Variants in UQCC1 observed in about 807,000 individuals in gnomAD.
UQCC1 encodes bFGF-repressed Zic-binding protein.
UQCC1 carries 38 observed loss-of-function variants against 48.0 expected under a neutral mutation model. That is an observed-to-expected ratio of 0.79 (90% CI 0.61 to 1.04). UQCC1 has a LOEUF of 1.04. Among genes scored for constraint, UQCC1 ranks in the 50% least tolerant of loss-of-function variants. UQCC1 has a pLI of 0.00. For synonymous variants in UQCC1, 111 were observed against 129.2 expected (o/e 0.86, Z 0.95); for missense variants, 368 against 381.8 (o/e 0.96, Z 0.30).
At chr20:35,350,827 G>A (rs1359393046) in intron 6 of UQCC1, among the ~76,000 whole-genome samples, 1 of 152,082 alleles carries the variant, frequency 6.6e-6, no homozygotes, top group African/African-American at 2.4e-5. Flanking sequence ...GATCACCTGA[G>A]GTCAGGAGTT....
intron 5 of UQCC1, among the ~76,000 whole-genome samples, chr20:35,369,271 G>A (rs77078319): frequency 8.5e-5 from 13 of 152,338 alleles, no homozygotes; most frequent in Non-Finnish European, 1.6e-4. Flanking sequence ...ACACACTGGT[G>A]TCAGAACAGA....
At chr20:35,393,503 AACAC>A (rs3055772) in intron 2 of UQCC1, among the ~76,000 whole-genome samples, 62,132 of 146,698 alleles carry the variant, frequency 0.42, 13,862 homozygotes, top group East Asian at 0.69. Flanking sequence ...AACACACACA[AACAC>A]ACACACACAC....
chr20:35,332,159 G>A lies in UQCC1; in HGVS notation c.573+15005C>T, dbSNP rs564343158. Among the ~76,000 whole-genome samples the A allele has an allele frequency of 4.6e-5, 7 of 152,328 alleles. No homozygotes were observed. In the South Asian group the frequency reaches 1.0e-3, roughly 23 times the overall value. ...GCACTGAATGCCACACTTTAGAGGCGAACAGCAGAACACACAGGGGCCCTC... is the reference window on the plus strand; with the variant it reads ...GCACTGAATGCCACACTTTAGAGGCAAACAGCAGAACACACAGGGGCCCTC... On this transcript the variant is annotated intron_variant, in intron 7 of 9. Transcript: ENST00000374385.
At chr20:35,362,719 C>CGT (rs898651770) in intron 6 of UQCC1, among the ~76,000 whole-genome samples, 13 of 151,598 alleles carry the variant, frequency 8.6e-5, no homozygotes, top group Non-Finnish European at 1.3e-4. Flanking sequence ...CATGTGTGTG[C>CGT]GTGTGTGTGT....
At chr20:35,389,093 A>G (rs1601002867) in intron 2 of UQCC1, among the ~76,000 whole-genome samples, 1 of 152,056 alleles carries the variant, frequency 6.6e-6, no homozygotes, top group Non-Finnish European at 1.5e-5. Flanking sequence ...AAATAAAAAA[A>G]TAAAATCAGG....
chr20:35,351,315 C>T (rs1001422753), intron 6 of UQCC1, among the ~76,000 whole-genome samples: 4 of 150,406 alleles, frequency 2.7e-5, no homozygotes, highest in African/African-American at 4.9e-5. Context: ...CTCTTGAACC[C>T]GGGAGGCAGA....
intron 1 of UQCC1, among the ~76,000 whole-genome samples, chr20:35,411,380 CG>C (rs759281057): frequency 1.4e-3 from 213 of 152,242 alleles, no homozygotes; most frequent in Non-Finnish European, 2.7e-3. Flanking sequence ...AAAGTGAAAA[CG>C]ACGGAGACAG....
At chr20:35,324,624 C>T (rs547080507) in intron 7 of UQCC1, among the ~76,000 whole-genome samples, 9 of 152,300 alleles carry the variant, frequency 5.9e-5, no homozygotes, top group African/African-American at 2.2e-4. Flanking sequence ...CCGCACCTGG[C>T]CGAGCAAGAT....
intron 4 of UQCC1, among the ~76,000 whole-genome samples, chr20:35,377,463 T>C (rs2061815479): frequency 6.6e-6 from 1 of 152,188 alleles, no homozygotes; most frequent in Non-Finnish European, 1.5e-5. Context: ...CCTACTCCTA[T>C]CCTTAAGACA....
chr20:35,303,946 C>A lies in UQCC1; in HGVS notation c.889G>T (p.Glu297Ter). 2.5e-6 allele frequency: 4 copies of A among 1,614,196 alleles called. No homozygotes were observed. The highest frequency in any genetic ancestry group is 1.3e-5 in the African/African-American group (1 of 75,060). The change falls in exon 10 of 10, where the codon GAG (glutamate) becomes TAG (stop). Residue 297 changes from glutamate to a stop codon, truncating the protein, a stop_gained. Transcript: ENST00000374385. LOFTEE classifies it high-confidence loss of function. ...GAGGGCCCAGCCCATCAAAGTCCCT[C>A]GTCGTTGTAAGTCGGAGAATGGGGC... The part of the protein sequence containing the change: ...LKPHSPTYND[E>*]GL
chr20:35,329,284 C>A (rs4911489), intron 7 of UQCC1, among the ~76,000 whole-genome samples: 1 of 151,946 alleles, frequency 6.6e-6, no homozygotes, highest in Admixed American at 6.5e-5. Flanking sequence ...AAGAAGCAGC[C>A]GACAGTGAGT....
chr20:35,369,695 TG>T (rs1463517518), intron 5 of UQCC1, among the ~76,000 whole-genome samples: 2 of 152,226 alleles, frequency 1.3e-5, no homozygotes, highest in African/African-American at 4.8e-5. Context: ...TTTGTGAGAA[TG>T]AGATAAGGCC....
intron 7 of UQCC1, among the ~76,000 whole-genome samples, chr20:35,328,183 G>T (rs1159351700): frequency 1.3e-5 from 2 of 152,086 alleles, no homozygotes; most frequent in Non-Finnish European, 2.9e-5. Flanking sequence ...TTAAAGAGAT[G>T]ATCTCTTTGG....
At chr20:35,388,377 A>T (rs1476888143) in intron 2 of UQCC1, among the ~76,000 whole-genome samples, 2 of 130,914 alleles carry the variant, frequency 1.5e-5, no homozygotes, top group African/African-American at 5.9e-5. Flanking sequence ...TGCAACTTTG[A>T]CCCCCCCAGA....
intron 7 of UQCC1, among the ~76,000 whole-genome samples, chr20:35,327,907 CAGG>C (rs2061212845): frequency 1.3e-5 from 2 of 150,658 alleles, no homozygotes; most frequent in African/African-American, 4.9e-5. Flanking sequence ...GAGGCTGAGG[CAGG>C]AGAATTGCTT....
rs2060930354 is a variant in UQCC1 at position 35,306,534 on chromosome 20, A to G, written c.765+132T>C. 3 of 681,184 alleles carry G rather than the reference A, an allele frequency of 4.4e-6. No individual in the cohort carries two copies. The South Asian group carries it at 5.2e-5, about 12-fold the overall frequency. 42.2% of individuals were successfully genotyped at this position (681,184 alleles called of 1,614,324 possible). A position where few individuals can be genotyped will look rare whatever the true frequency, so the allele number is the denominator to read the frequency against. ...AGAAGGCGCTCCTTCTTCAGCGTCT[A>G]GTGCTGATGTGATCTGGTCAGAATT... On this transcript the variant is annotated intron_variant, in intron 9 of 9. Coordinates refer to ENST00000374385, the MANE Select transcript of UQCC1 (RefSeq NM_018244.5).
rs772581288 is a variant in UQCC1, at chr20:35,404,632, G to A, written c.24+7308C>T. Among the ~76,000 whole-genome samples, 68 of 149,120 alleles carry A rather than the reference G, an allele frequency of 4.6e-4. 1 individual carries two copies. Among genetic ancestry groups the A allele is most frequent in the Non-Finnish European group, 1.2e-4 (8 of 67,670 alleles). ...GTATACATATGTAACAAACCTGCAC[G>A]TTGTGCACATGTACCCTAGAACTTA... On this transcript the variant is annotated intron_variant, in intron 1 of 9. Transcript: ENST00000374385.
chr20:35,326,510 C>A (rs75118549), intron 7 of UQCC1, among the ~76,000 whole-genome samples: 1,771 of 152,178 alleles, frequency 0.012, 38 homozygotes, highest in African/African-American at 0.039. Flanking sequence ...TAGTTTGAGC[C>A]CGGCAGGCGT....
intron 8 of UQCC1, among the ~76,000 whole-genome samples, chr20:35,310,693 ATT>A (rs369142415): frequency 7.0e-5 from 7 of 100,668 alleles, no homozygotes; most frequent in Non-Finnish European, 7.3e-5. Context: ...AAAGCTGCAG[ATT>A]TTTTTTTTTT....
Sources: gnomAD v4.1 joint callset for allele counts (sites outside exome capture counted in the v4.1 genomes callset) on GRCh38, gnomAD v4.1.1 for gene constraint, MANE v1.5 for transcripts, NCBI Gene and HGNC (gene_info 2026-07-23, HGNC 2026-07-21) for gene names.